KIF6: variants seen among roughly 807,000 people sequenced by gnomAD.
The protein encoded by KIF6 is kinesin-like protein KIF6.
Under a neutral mutation model 112.7 loss-of-function variants are expected in KIF6, and 106 were observed. That is an observed-to-expected ratio of 0.94 (90% CI 0.80 to 1.11). The LOEUF is 1.11. Ranked by LOEUF, KIF6 falls within the 50% of genes least tolerant of loss-of-function variation. The probability of loss-of-function intolerance (pLI) is 0.00; values close to 1 mark genes in which losing one functional copy is unlikely to be tolerated. For missense variants in KIF6, 929 were observed against 964.0 expected, an observed-to-expected ratio of 0.96 and a Z score of 0.48; for synonymous variants, 339 against 339.9, an observed-to-expected ratio of 1.00 and a Z score of 0.03.
At chr6:39,363,793 C>A (rs1292335913) in intron 16 of KIF6, among the ~76,000 whole-genome samples, 1 of 152,110 alleles carries the variant, frequency 6.6e-6, no homozygotes, top group Non-Finnish European at 1.5e-5. Context: ...GGTAAACTGC[C>A]CAAGTTATGT....
intron 16 of KIF6, among the ~76,000 whole-genome samples, chr6:39,376,472 T>C (rs968699799): frequency 6.6e-6 from 1 of 152,228 alleles, no homozygotes; most frequent in South Asian, 2.1e-4. Context: ...TATCATCTGG[T>C]CCAACCACGT....
At chr6:39,662,116 G>C (rs554065194) in intron 3 of KIF6, among the ~76,000 whole-genome samples, 133 of 152,216 alleles carry the variant, frequency 8.7e-4, no homozygotes, top group African/African-American at 3.1e-3. Flanking sequence ...TAAAGAGTTT[G>C]AAATACTTAA....
At chr6:39,534,224 C>T (rs1040708516) in intron 13 of KIF6, among the ~76,000 whole-genome samples, 4 of 152,128 alleles carry the variant, frequency 2.6e-5, no homozygotes, top group African/African-American at 9.7e-5. Context: ...ATGACTTTGA[C>T]GAGTTGAGAG....
chr6:39,478,407 T>C (rs1428402649), intron 13 of KIF6, among the ~76,000 whole-genome samples: 1 of 152,168 alleles, frequency 6.6e-6, no homozygotes, highest in Non-Finnish European at 1.5e-5. Flanking sequence ...TATTCCATCA[T>C]ATATATATCA....
intron 10 of KIF6, among the ~76,000 whole-genome samples, chr6:39,552,700 A>G (rs1779454845): frequency 6.6e-6 from 1 of 152,236 alleles, no homozygotes; most frequent in Non-Finnish European, 1.5e-5. Flanking sequence ...GTTAATGAGA[A>G]TATCAAATAA....
chr6:39,454,362 A>T (rs891458347), intron 13 of KIF6, among the ~76,000 whole-genome samples: 2 of 152,138 alleles, frequency 1.3e-5, no homozygotes, highest in Non-Finnish European at 2.9e-5. Flanking sequence ...AGCTCCAAAG[A>T]TGTGAATAGA....
chr6:39,549,699 G>A (rs953037402), intron 10 of KIF6, among the ~76,000 whole-genome samples: 3 of 152,120 alleles, frequency 2.0e-5, no homozygotes, highest in Admixed American at 1.3e-4. Flanking sequence ...GCAAGGCCAC[G>A]GACCCCCATG....
chr6:39,432,877 C>G (rs1467376219), intron 13 of KIF6, among the ~76,000 whole-genome samples: 1 of 152,152 alleles, frequency 6.6e-6, no homozygotes, highest in Non-Finnish European at 1.5e-5. Context: ...GAGAAAAGCT[C>G]CACAGAGACC....
chr6:39,452,895 A>T (rs184445500), intron 13 of KIF6, among the ~76,000 whole-genome samples: 1 of 152,340 alleles, frequency 6.6e-6, no homozygotes, highest in East Asian at 1.9e-4. Flanking sequence ...TAATGCTATG[A>T]TTCTTGGACA....
chr6:39,611,270 TG>T (rs1197585539), intron 6 of KIF6, among the ~76,000 whole-genome samples: 2 of 152,024 alleles, frequency 1.3e-5, no homozygotes, highest in Non-Finnish European at 2.9e-5. Flanking sequence ...ACACACACCA[TG>T]GCACTCCAGC....
At chr6:39,348,426 A>G (rs1262761397) in intron 19 of KIF6, among the ~76,000 whole-genome samples, 1 of 152,092 alleles carries the variant, frequency 6.6e-6, no homozygotes, top group Admixed American at 6.5e-5. Flanking sequence ...GGGCAGTGCA[A>G]TGGAAGGCTG....
rs552595650 is a variant in KIF6 at position 39,397,285 on chromosome 6, A to G, written c.1811-11613T>C. ...AATTGGAAGTAAATGACTTTTTAAA[A>G]AGCTTGCTTGAAATGCTGGTGGTAA... is the stretch of plus-strand genomic sequence containing the variant. On this transcript the variant is annotated intron_variant, in intron 15 of 22. Coordinates refer to ENST00000287152, the MANE Select transcript of KIF6 (RefSeq NM_145027.6). 1.3e-4 allele frequency among the ~76,000 whole-genome samples: 20 copies of G among 152,282 alleles called. No individual in the cohort carries two copies. The South Asian group carries it at 4.1e-3, about 32-fold the overall frequency.
At chr6:39,418,573 C>T (rs191139998) in intron 15 of KIF6, among the ~76,000 whole-genome samples, 58 of 152,262 alleles carry the variant, frequency 3.8e-4, no homozygotes, top group Admixed American at 1.0e-3. Flanking sequence ...GTGACTTCCA[C>T]TGGGTTCATC....
chr6:39,560,832 C>A (rs1779971181), intron 10 of KIF6, among the ~76,000 whole-genome samples: 1 of 152,112 alleles, frequency 6.6e-6, no homozygotes, highest in Admixed American at 6.6e-5. Context: ...CAGAAAATAG[C>A]CTTTTTAGGG....
In KIF6 at chr6:39,645,044, A is replaced by G. The variant is rs1785094949; in HGVS notation, c.252-5287T>C. On this transcript the variant is annotated intron_variant, in intron 3 of 22. Coordinates refer to ENST00000287152, the MANE Select transcript of KIF6 (RefSeq NM_145027.6). The stretch of plus-strand genomic sequence containing the variant: ...CTGAACTTCCTAAAATCAACAATGC[A>G]GGCTGCTGCTTAATTCATCTCAGCT... Among the ~76,000 whole-genome samples the G allele has an allele frequency of 2.6e-5, 4 of 152,302 alleles. No homozygotes were observed. In the South Asian group the frequency reaches 8.3e-4, roughly 32 times the overall value.
chr6:39,546,699 G>C (rs1156725554), intron 10 of KIF6, among the ~76,000 whole-genome samples: 2 of 152,034 alleles, frequency 1.3e-5, no homozygotes, highest in Non-Finnish European at 2.9e-5. Flanking sequence ...ATTGGCATGT[G>C]CCTGTAATCC....
At chr6:39,627,709 C>A (rs1234359446) in intron 5 of KIF6, among the ~76,000 whole-genome samples, 3 of 152,140 alleles carry the variant, frequency 2.0e-5, no homozygotes, top group African/African-American at 7.2e-5. Context: ...TGAATGCTGG[C>A]ATTTACTGGT....
intron 3 of KIF6, among the ~76,000 whole-genome samples, chr6:39,702,939 A>G (rs1448905520): frequency 1.3e-5 from 2 of 152,126 alleles, no homozygotes; most frequent in Admixed American, 1.3e-4. Context: ...TGGATGCAGT[A>G]GGTAAAGTAC....
rs1789234131 is a variant in KIF6, at chr6:39,706,741, G to A, written c.251+7951C>T. Among the ~76,000 whole-genome samples the A allele has an allele frequency of 2.0e-5, 3 of 152,204 alleles. No individual in the cohort carries two copies. In the South Asian group the frequency reaches 6.2e-4, roughly 32 times the overall value. ...AACAGATTTAGGGAACAGGCAATGA[G>A]TTTTTGTACAATTCAGTGGTGAATA... On this transcript the variant is annotated intron_variant, in intron 3 of 22. Transcript: ENST00000287152.
Sources: allele counts gnomAD v4.1 joint callset (sites outside exome capture counted in the v4.1 genomes callset), GRCh38; gene constraint gnomAD v4.1.1; transcripts MANE v1.5; gene names NCBI Gene and HGNC (gene_info 2026-07-23, HGNC 2026-07-21).